The following SLCO2A1 variants were observed in gnomAD, a reference collection of about 807,000 sequenced individuals.
The protein encoded by SLCO2A1 is solute carrier organic anion transporter family member 2A1, also known as matrin F/G 1.
Under a neutral mutation model 71.7 loss-of-function variants are expected in SLCO2A1, and 60 were observed. The ratio of observed to expected loss-of-function variants is 0.84; its 90% CI spans 0.68 to 1.04. SLCO2A1 has a LOEUF of 1.04. SLCO2A1 is among the 50% of genes least tolerant of loss of function. The pLI is 0.00. For missense variants in SLCO2A1, 745 were observed against 813.4 expected, an observed-to-expected ratio of 0.92 and a Z score of 1.02; for synonymous variants, 308 against 326.7, an observed-to-expected ratio of 0.94 and a Z score of 0.62.
At chr3:134,006,509 T>C (rs1223946561) in intron 1 of SLCO2A1, among the ~76,000 whole-genome samples, 2 of 152,162 alleles carry the variant, frequency 1.3e-5, no homozygotes, top group Non-Finnish European at 2.9e-5. Flanking sequence ...GCAACCACCA[T>C]TCTGTTTTCT....
intron 3 of SLCO2A1, among the ~76,000 whole-genome samples, chr3:133,967,744 C>T (rs989543383): frequency 2.0e-4 from 31 of 151,842 alleles, no homozygotes; most frequent in Admixed American, 2.0e-4. Context: ...TCTCCTCCTT[C>T]CTTGCACATC....
chr3:134,024,212 T>G (rs1227977162), intron 1 of SLCO2A1, among the ~76,000 whole-genome samples: 1 of 152,232 alleles, frequency 6.6e-6, no homozygotes. Flanking sequence ...CCTTTCACCC[T>G]GGCATTTCAT....
At chr3:133,956,669 T>C (rs2108046680) in intron 3 of SLCO2A1, among the ~76,000 whole-genome samples, 1 of 152,288 alleles carries the variant, frequency 6.6e-6, no homozygotes, top group East Asian at 1.9e-4. Context: ...TCAAATAGAG[T>C]GGCCCGACCA....
intron 10 of SLCO2A1, among the ~76,000 whole-genome samples, chr3:133,943,860 C>T (rs982375589): frequency 3.3e-5 from 5 of 152,224 alleles, no homozygotes; most frequent in Admixed American, 1.3e-4. Flanking sequence ...TTGCCCTGTC[C>T]TTTCAGAGGA....
At chr3:133,980,032 C>T (rs1576444754) in intron 1 of SLCO2A1, among the ~76,000 whole-genome samples, 1 of 152,268 alleles carries the variant, frequency 6.6e-6, no homozygotes, top group African/African-American at 2.4e-5. Flanking sequence ...GGCTGAAGGC[C>T]ACTCCCCATC....
At chr3:134,027,331 C>A (rs1042695322) in intron 1 of SLCO2A1, among the ~76,000 whole-genome samples, 3 of 152,234 alleles carry the variant, frequency 2.0e-5, no homozygotes, top group African/African-American at 7.2e-5. Context: ...CGACCCCTGA[C>A]CTAATCGGTT....
chr3:133,964,352 T>A (rs1934116523), intron 3 of SLCO2A1, among the ~76,000 whole-genome samples: 4 of 152,162 alleles, frequency 2.6e-5, no homozygotes, highest in Admixed American at 2.6e-4. Flanking sequence ...ATAATGAGTA[T>A]ATTATAACCT....
At chr3:134,024,117 T>C (rs1303680331) in intron 1 of SLCO2A1, among the ~76,000 whole-genome samples, 1 of 152,224 alleles carries the variant, frequency 6.6e-6, no homozygotes, top group Non-Finnish European at 1.5e-5. Context: ...CCCGAGCAGA[T>C]GTGTGGTGGT....
At chr3:133,998,636 C>G (rs530529015) in intron 1 of SLCO2A1, 1 of 152,250 alleles carries the variant, frequency 6.6e-6, no homozygotes, top group Admixed American at 6.5e-5. Flanking sequence ...TCCTTTTCCC[C>G]GTAAGTCAAA....
At chr3:134,015,415 T>G (rs1935427382) in intron 1 of SLCO2A1, among the ~76,000 whole-genome samples, 3 of 120,838 alleles carry the variant, frequency 2.5e-5, no homozygotes, top group Admixed American at 1.2e-4. Context: ...AAAAGTAGAA[T>G]GATGGTTACA....
chr3:134,004,409 A>G (rs1935165370), intron 1 of SLCO2A1, among the ~76,000 whole-genome samples: 1 of 152,166 alleles, frequency 6.6e-6, no homozygotes, highest in African/African-American at 2.4e-5. Flanking sequence ...ATCTCAGCTC[A>G]CTGCAACCTC....
chr3:133,970,447 T>C (rs1260564416), intron 3 of SLCO2A1, among the ~76,000 whole-genome samples: 1 of 152,242 alleles, frequency 6.6e-6, no homozygotes. Flanking sequence ...CTGACGACCT[T>C]GCATGATTCA....
At chr3:134,008,369 A>T (rs760911466) in intron 1 of SLCO2A1, among the ~76,000 whole-genome samples, 15 of 152,220 alleles carry the variant, frequency 9.9e-5, no homozygotes, top group Non-Finnish European at 1.8e-4. Context: ...GAGGTCAATA[A>T]GAATAAATGA....
chr3:134,020,409 G>T lies in SLCO2A1; in HGVS notation c.96+9298C>A, dbSNP rs146901595. On this transcript the variant is annotated intron_variant, in intron 1 of 13. Transcript: ENST00000310926. ...GCAGCTCCTTAGGCGGCTTAAGCCT[G>T]CCCTGTGCAACATCTCGGCGGGGGA... Among the ~76,000 whole-genome samples the T allele has an allele frequency of 7.1e-3, 1,082 of 152,340 alleles. 15 individuals are homozygous for T. Among genetic ancestry groups the T allele is most frequent in the African/African-American group, 0.02 (848 of 41,590 alleles).
At chr3:134,013,263 A>C (rs1234268076) in intron 1 of SLCO2A1, among the ~76,000 whole-genome samples, 1 of 152,226 alleles carries the variant, frequency 6.6e-6, no homozygotes, top group African/African-American at 2.4e-5. Flanking sequence ...ACTGTAAATC[A>C]AAGTTACAGG....
chr3:133,960,098 T>C (rs559781158), intron 3 of SLCO2A1, among the ~76,000 whole-genome samples: 4 of 151,768 alleles, frequency 2.6e-5, no homozygotes, highest in Admixed American at 1.3e-4. Flanking sequence ...CCAGCCTGGG[T>C]GACAGAGCGA....
chr3:134,002,918 TA>T (rs1328747063), intron 1 of SLCO2A1, among the ~76,000 whole-genome samples: 6 of 152,082 alleles, frequency 3.9e-5, no homozygotes, highest in African/African-American at 2.4e-5. Flanking sequence ...TTCTCTGGGG[TA>T]AAATTGATTC....
Position 133,955,092 on chromosome 3 carries a change from TG to T in SLCO2A1, c.498del (p.Ser167AlafsTer6). The T allele has an allele frequency of 6.2e-7, 1 of 1,614,182 alleles. No individual in the cohort carries two copies. Among genetic ancestry groups the T allele is most frequent in the South Asian group, 1.1e-5 (1 of 91,078 alleles). On this transcript the variant is annotated frameshift_variant, in exon 4 of 14. Transcript: ENST00000310926. LOFTEE classifies it high-confidence loss of function. ...HSTTQNPQKE[T>X]SSMWGLMVVA... ...ACCACCATCAGGCCCCACATGCTGC[TG>T]GTCTCCTTCTGGGGGTTCTGGGTGG...
chr3:134,020,946 C>A (rs1271432025), intron 1 of SLCO2A1, among the ~76,000 whole-genome samples: 1 of 151,892 alleles, frequency 6.6e-6, no homozygotes, highest in African/African-American at 2.4e-5. Flanking sequence ...ATTTGAATTG[C>A]TTGACAGGAT....
Sources: gnomAD v4.1 joint callset for allele counts (sites outside exome capture counted in the v4.1 genomes callset) on GRCh38, gnomAD v4.1.1 for gene constraint, MANE v1.5 for transcripts, NCBI Gene and HGNC (gene_info 2026-07-23, HGNC 2026-07-21) for gene names.